PTPRT: variants seen among roughly 807,000 people sequenced by gnomAD.
PTPRT encodes the protein receptor-type tyrosine-protein phosphatase T.
PTPRT carries 56 observed loss-of-function variants against 176.8 expected under a neutral mutation model. The ratio of observed to expected loss-of-function variants is 0.32; its 90% CI spans 0.26 to 0.40. The LOEUF (loss-of-function observed/expected upper bound fraction) is 0.40. PTPRT is among the 10% of genes least tolerant of loss of function. PTPRT has a pLI of 1.00. For missense variants in PTPRT, 1,540 were observed against 1,908.2 expected (o/e 0.81, Z 3.60); for synonymous variants, 783 against 739.0 (o/e 1.06, Z -0.96).
rs1436881620 is a variant in PTPRT at position 43,020,163 on chromosome 20, TTTG to T, written c.89-134234_89-134232del. Among the ~76,000 whole-genome samples, 839 of 148,344 alleles carry T rather than the reference TTTG, an allele frequency of 5.7e-3. 13 individuals are homozygous for T. The highest frequency in any genetic ancestry group is 0.02 in the African/African-American group (816 of 40,772). ...GTGTGTGTACATATGTGCATGTGTG[TTTG>T]TCTCTATATAATTACATATATAAGT... On this transcript the variant is annotated intron_variant, in intron 1 of 30. Coordinates refer to ENST00000373187, the MANE Select transcript of PTPRT (RefSeq NM_007050.6).
intron 5 of PTPRT, among the ~76,000 whole-genome samples, chr20:42,757,231 G>T (rs2076848263): frequency 6.6e-6 from 1 of 152,190 alleles, no homozygotes; most frequent in Non-Finnish European, 1.5e-5. Flanking sequence ...GGGCTGGCAT[G>T]TAGCCCCTTA....
chr20:43,063,485 A>G (rs1169844071), intron 1 of PTPRT: 1 of 152,266 alleles, frequency 6.6e-6, no homozygotes, highest in Admixed American at 6.5e-5. Flanking sequence ...GAGGATGACC[A>G]TCCCCGAGAG....
At chr20:42,188,458 A>T (rs868041219) in intron 16 of PTPRT, among the ~76,000 whole-genome samples, 16 of 152,178 alleles carry the variant, frequency 1.1e-4, no homozygotes, top group African/African-American at 3.6e-4. Flanking sequence ...AAGTTACTTA[A>T]GTTCTCTGAG....
chr20:42,273,657 A>C (rs1313918229), intron 13 of PTPRT, among the ~76,000 whole-genome samples: 1 of 152,278 alleles, frequency 6.6e-6, no homozygotes, highest in African/African-American at 2.4e-5. Context: ...ATTACATATC[A>C]ATACTAAGTT....
At chr20:43,080,895 C>T (rs1441073228) in intron 1 of PTPRT, among the ~76,000 whole-genome samples, 4 of 152,234 alleles carry the variant, frequency 2.6e-5, no homozygotes, top group Non-Finnish European at 5.9e-5. Flanking sequence ...CTGCCAACCA[C>T]GGCACCATTC....
intron 13 of PTPRT, among the ~76,000 whole-genome samples, chr20:42,276,096 A>G (rs1208296426): frequency 1.3e-5 from 2 of 152,126 alleles, no homozygotes; most frequent in African/African-American, 4.8e-5. Flanking sequence ...AGATTTGGAC[A>G]TGCTATGCTC....
rs1279892609 is a variant in PTPRT at position 42,615,349 on chromosome 20, C to G, written c.1153+62517G>C. The stretch of plus-strand genomic sequence containing the variant: ...TCCAGTCTATCATTGTTGGACATTT[C>G]GGTTGGTTCCAAGTCTTTGCTATTG... On this transcript the variant is annotated intron_variant, in intron 7 of 30. Transcript: ENST00000373187. 3.6e-4 allele frequency among the ~76,000 whole-genome samples: 48 copies of G among 134,142 alleles called. 6 individuals are homozygous for G. Among genetic ancestry groups the G allele is most frequent in the African/African-American group, 8.4e-4 (25 of 29,740 alleles). The allele number at this position is 134,142 out of a possible 152,430, so 88.0% of individuals were successfully genotyped here.
chr20:42,383,409 C>G (rs916325), intron 9 of PTPRT, among the ~76,000 whole-genome samples: 48,281 of 129,540 alleles, frequency 0.37, 8,179 homozygotes, highest in Admixed American at 0.46. Context: ...CACTGCTAAG[C>G]AGGGATAGAC....
chr20:42,894,038 A>AT (rs149750378), intron 1 of PTPRT, among the ~76,000 whole-genome samples: 4,264 of 143,660 alleles, frequency 0.03, 90 homozygotes, highest in South Asian at 0.048. Flanking sequence ...AAATTAAAAA[A>AT]TTAAAAAAAA....
intron 9 of PTPRT, among the ~76,000 whole-genome samples, chr20:42,423,882 C>A (rs903775401): frequency 1.3e-5 from 2 of 151,670 alleles, no homozygotes; most frequent in Non-Finnish European, 2.9e-5. Context: ...AATAAAGATG[C>A]AATAATTACA....
rs559469133 is a variant in PTPRT at position 42,592,155 on chromosome 20, T to A, written c.1153+85711A>T. 4.2e-3 allele frequency among the ~76,000 whole-genome samples: 637 copies of A among 151,646 alleles called. 3 individuals are homozygous for A. Among genetic ancestry groups the A allele is most frequent in the African/African-American group, 0.015 (622 of 41,354 alleles). Reference sequence around the variant, plus strand: ...CAACCACACCCAGCTAATTTTTTTTTTTTTTTGAGACGGGTTTCACCGTGT... The same window carrying A: ...CAACCACACCCAGCTAATTTTTTTTATTTTTTGAGACGGGTTTCACCGTGT... On this transcript the variant is annotated intron_variant, in intron 7 of 30. Transcript: ENST00000373187.
chr20:42,689,558 C>A (rs949912316), intron 6 of PTPRT, among the ~76,000 whole-genome samples: 1 of 152,198 alleles, frequency 6.6e-6, no homozygotes, highest in African/African-American at 2.4e-5. Flanking sequence ...GGAAATCTCT[C>A]ATTTCAGTAT....
chr20:42,596,370 T>A (rs2073670917), intron 7 of PTPRT, among the ~76,000 whole-genome samples: 1 of 152,226 alleles, frequency 6.6e-6, no homozygotes, highest in African/African-American at 2.4e-5. Context: ...ATAGTTCAGG[T>A]ATCATCTTCG....
intron 9 of PTPRT, among the ~76,000 whole-genome samples, chr20:42,385,019 C>A (rs1046321757): frequency 2.6e-5 from 4 of 152,266 alleles, no homozygotes; most frequent in South Asian, 4.1e-4. Context: ...CAAATATTTT[C>A]TTCCATTCTG....
chr20:43,159,266 C>T (rs2014616810), intron 1 of PTPRT, among the ~76,000 whole-genome samples: 1 of 152,144 alleles, frequency 6.6e-6, no homozygotes, highest in East Asian at 1.9e-4. Context: ...GCCATGAGAG[C>T]TGGGGGTGGA....
intron 1 of PTPRT, among the ~76,000 whole-genome samples, chr20:43,036,551 T>C (rs530695073): frequency 4.1e-5 from 6 of 146,280 alleles, no homozygotes; most frequent in African/African-American, 1.6e-4. Context: ...GAAAATTTAA[T>C]TTTGTGTTTA....
chr20:42,969,508 T>C (rs1425975227), intron 1 of PTPRT: 1 of 152,190 alleles, frequency 6.6e-6, no homozygotes, highest in Non-Finnish European at 1.5e-5. Flanking sequence ...CAGATAACAT[T>C]ACTGAGCACT....
intron 9 of PTPRT, among the ~76,000 whole-genome samples, chr20:42,394,712 AC>A (rs1234610660): frequency 6.6e-6 from 1 of 152,216 alleles, no homozygotes; most frequent in African/African-American, 2.4e-5. Flanking sequence ...GTTTAGCAAT[AC>A]TACTTTCAGA....
In PTPRT at chr20:42,309,619, T is replaced by C. The variant is rs557905504; in HGVS notation, c.2139+6104A>G. ...TTTTCATTATTCAATATCTTTTTCTTATTTAATCCTCAAACAGACTGTGTG... is the reference window on the plus strand; with the variant it reads ...TTTTCATTATTCAATATCTTTTTCTCATTTAATCCTCAAACAGACTGTGTG... On this transcript the variant is annotated intron_variant, in intron 12 of 30. Transcript: ENST00000373187. Among the ~76,000 whole-genome samples the C allele has an allele frequency of 2.0e-5, 3 of 152,358 alleles. No individual in the cohort carries two copies. In the South Asian group the frequency reaches 6.2e-4, roughly 32 times the overall value.
Sources: gnomAD v4.1 joint callset for allele counts (sites outside exome capture counted in the v4.1 genomes callset) on GRCh38, gnomAD v4.1.1 for gene constraint, MANE v1.5 for transcripts, NCBI Gene and HGNC (gene_info 2026-07-23, HGNC 2026-07-21) for gene names.